The following DLG2 variants were observed in gnomAD, a reference collection of about 807,000 sequenced individuals.
The protein encoded by DLG2 is disks large homolog 2.
A neutral mutation model predicts 132.5 loss-of-function variants in DLG2; 45 were observed. That is an observed-to-expected ratio of 0.34 (90% confidence interval 0.27 to 0.44). DLG2 has a LOEUF of 0.44. Among genes scored for constraint, DLG2 ranks in the 20% least tolerant of loss-of-function variants. The pLI, the probability that DLG2 is intolerant of heterozygous loss-of-function variation, is 1.00. For missense variants in DLG2, 1,045 were observed against 1,196.9 expected, an observed-to-expected ratio of 0.87 and a Z score of 1.87; for synonymous variants, 424 against 419.6, an observed-to-expected ratio of 1.01 and a Z score of -0.13.
chr11:85,064,102 AAT>A (rs1029938744), intron 6 of DLG2, among the ~76,000 whole-genome samples: 1 of 151,878 alleles, frequency 6.6e-6, no homozygotes, highest in African/African-American at 2.4e-5. Flanking sequence ...TCATATAATT[AAT>A]ATGTTTGTTT....
intron 6 of DLG2, among the ~76,000 whole-genome samples, chr11:84,828,083 T>C (rs915519134): frequency 6.6e-6 from 1 of 151,268 alleles, no homozygotes; most frequent in Admixed American, 6.6e-5. Context: ...GTGGAAACGT[T>C]TGTAAAATTG....
intron 9 of DLG2, among the ~76,000 whole-genome samples, chr11:84,130,221 A>G (rs889206220): frequency 6.6e-6 from 1 of 151,994 alleles, no homozygotes; most frequent in African/African-American, 2.4e-5. Flanking sequence ...AAAAATTAAT[A>G]AAATGTTTCA....
chr11:84,262,092 T>C (rs933873609), intron 7 of DLG2, among the ~76,000 whole-genome samples: 1 of 152,148 alleles, frequency 6.6e-6, no homozygotes, highest in Non-Finnish European at 1.5e-5. Context: ...TGCAACCCTA[T>C]GAAGTACATA....
chr11:83,947,237 G>C (rs1487020480), intron 14 of DLG2, among the ~76,000 whole-genome samples: 1 of 90,470 alleles, frequency 1.1e-5, no homozygotes, highest in African/African-American at 2.9e-5. Flanking sequence ...CAACATTCTA[G>C]ATTTTTTTTT....
In DLG2 at chr11:84,265,692, A is replaced by G. The variant is rs975900380; in HGVS notation, c.520-14401T>C. On this transcript the variant is annotated intron_variant, in intron 7 of 27. Transcript: ENST00000376104. Reference sequence around the variant, plus strand: ...CAAGATAAATAAATATAAGGAAGATAGGTAGTAGTAGTAGTAGTAGAGGTA... The same window carrying G: ...CAAGATAAATAAATATAAGGAAGATGGGTAGTAGTAGTAGTAGTAGAGGTA... Among the ~76,000 whole-genome samples the G allele has an allele frequency of 2.8e-4, 42 of 152,136 alleles. 1 individual carries two copies. The highest frequency in any genetic ancestry group is 9.9e-4 in the African/African-American group (41 of 41,436).
intron 9 of DLG2, among the ~76,000 whole-genome samples, chr11:84,148,197 T>G (rs1345324730): frequency 6.6e-6 from 1 of 152,174 alleles, no homozygotes; most frequent in Non-Finnish European, 1.5e-5. Flanking sequence ...GATTTTTCCT[T>G]GGAATTTTAC....
intron 3 of DLG2, among the ~76,000 whole-genome samples, chr11:85,477,976 A>G (rs1424754828): frequency 6.6e-6 from 1 of 151,942 alleles, no homozygotes; most frequent in Non-Finnish European, 1.5e-5. Context: ...GGCTTGGAGA[A>G]GTTGGGTATT....
At chr11:83,995,166 C>T (rs1418525986) in intron 11 of DLG2, among the ~76,000 whole-genome samples, 1 of 151,920 alleles carries the variant, frequency 6.6e-6, no homozygotes, top group African/African-American at 2.4e-5. Flanking sequence ...AACTGGGAAA[C>T]AAAAATATGA....
intron 11 of DLG2, among the ~76,000 whole-genome samples, chr11:83,989,276 C>A (rs1007393492): frequency 3.3e-5 from 5 of 152,130 alleles, no homozygotes; most frequent in Non-Finnish European, 5.9e-5. Flanking sequence ...GGCAATGGGA[C>A]AACAGCAGAG....
Position 84,317,721 on chromosome 11 carries a change from C to T in DLG2, c.520-66430G>A, listed in dbSNP as rs78085165. 9.4e-3 allele frequency among the ~76,000 whole-genome samples: 1,427 copies of T among 152,146 alleles called. 16 individuals carry two copies. Among genetic ancestry groups the T allele is most frequent in the African/African-American group, 0.031 (1,276 of 41,496 alleles). ...TTCAACATTTATAAGAATCACTTATCTAGAGAGAGATTTGCCAAGACACAG... is the reference window on the plus strand; with the variant it reads ...TTCAACATTTATAAGAATCACTTATTTAGAGAGAGATTTGCCAAGACACAG... On this transcript the variant is annotated intron_variant, in intron 7 of 27. Coordinates refer to ENST00000376104, the MANE Select transcript of DLG2 (RefSeq NM_001142699.3).
chr11:83,680,303 A>C (rs1452343163), intron 18 of DLG2, among the ~76,000 whole-genome samples: 1 of 152,198 alleles, frequency 6.6e-6, no homozygotes, highest in African/African-American at 2.4e-5. Context: ...GTAATTTTAA[A>C]AAATTTAATG....
intron 3 of DLG2, among the ~76,000 whole-genome samples, chr11:85,458,508 T>A: frequency 6.6e-6 from 1 of 152,236 alleles, no homozygotes; most frequent in East Asian, 1.9e-4. Flanking sequence ...ACTGGCTTTT[T>A]GAGTTGCCAG....
chr11:83,635,529 T>C (rs1226490456), intron 18 of DLG2, among the ~76,000 whole-genome samples: 6 of 152,152 alleles, frequency 3.9e-5, no homozygotes, highest in Non-Finnish European at 7.3e-5. Flanking sequence ...CTGCTCTCTT[T>C]CCCTACAGCT....
At chr11:83,888,060 C>T (rs1439204141) in intron 15 of DLG2, among the ~76,000 whole-genome samples, 3 of 145,038 alleles carry the variant, frequency 2.1e-5, no homozygotes, top group African/African-American at 7.8e-5. Context: ...TGCCCTCTCT[C>T]ACCACTCCTG....
At chr11:83,690,872 A>G (rs1459941969) in intron 18 of DLG2, among the ~76,000 whole-genome samples, 1 of 152,226 alleles carries the variant, frequency 6.6e-6, no homozygotes, top group African/African-American at 2.4e-5. Flanking sequence ...ATGACCACAA[A>G]TAGTTTTACT....
chr11:84,627,294 A>T (rs1284328544), intron 6 of DLG2, among the ~76,000 whole-genome samples: 1 of 152,218 alleles, frequency 6.6e-6, no homozygotes, highest in Admixed American at 6.5e-5. Flanking sequence ...GTTGTTATTT[A>T]TATATTTTGT....
chr11:85,541,808 T>C (rs1005629123), intron 3 of DLG2, among the ~76,000 whole-genome samples: 1 of 152,208 alleles, frequency 6.6e-6, no homozygotes, highest in Admixed American at 6.5e-5. Context: ...CTTGTAATTA[T>C]TCCCTATCTC....
In DLG2 at chr11:84,693,326, C is replaced by T. The variant is rs73513146; in HGVS notation, c.358-158595G>A. On this transcript the variant is annotated intron_variant, in intron 6 of 27. Coordinates refer to ENST00000376104, the MANE Select transcript of DLG2 (RefSeq NM_001142699.3). ...TCTGTAATTGATATTTAGATATAGC[C>T]ATGGTAGCAGCTGGGATTATTCTGT... Among the ~76,000 whole-genome samples, 987 of 151,732 alleles carry T rather than the reference C, an allele frequency of 6.5e-3. 16 individuals carry two copies. The highest frequency in any genetic ancestry group is 0.023 in the African/African-American group (952 of 41,456).
At chr11:83,835,956 T>C (rs902690461) in intron 16 of DLG2, among the ~76,000 whole-genome samples, 1 of 152,148 alleles carries the variant, frequency 6.6e-6, no homozygotes, top group Non-Finnish European at 1.5e-5. Flanking sequence ...CTATAGTATA[T>C]ACACATACAT....
Sources: gnomAD v4.1 joint callset for allele counts (sites outside exome capture counted in the v4.1 genomes callset) on GRCh38, gnomAD v4.1.1 for gene constraint, MANE v1.5 for transcripts, NCBI Gene and HGNC (gene_info 2026-07-23, HGNC 2026-07-21) for gene names.